Variants in SPIRE2 observed in about 807,000 individuals in gnomAD.
The protein encoded by SPIRE2 is protein spire homolog 2.
A neutral mutation model predicts 80.7 loss-of-function variants in SPIRE2; 76 were observed. The observed-to-expected ratio is 0.94, with a 90% CI of 0.78 to 1.14. The LOEUF (loss-of-function observed/expected upper bound fraction) is 1.14, where lower values mean the gene tolerates loss of function less well. Among genes scored for constraint, SPIRE2 ranks in the 50% most tolerant of loss-of-function variants. SPIRE2 has a pLI of 0.00. For missense variants in SPIRE2, 1,196 were observed against 1,015.3 expected, an observed-to-expected ratio of 1.18 and a Z score of -2.42; for synonymous variants, 535 against 432.6, an observed-to-expected ratio of 1.24 and a Z score of -2.94.
chr16:89,839,373 C>CAAA (rs537824236), intron 1 of SPIRE2, among the ~76,000 whole-genome samples: 9 of 123,506 alleles, frequency 7.3e-5, no homozygotes, highest in South Asian at 2.8e-4. Flanking sequence ...GACTCCATCT[C>CAAA]AAAAAAAAAA....
At chr16:89,864,819 AT>A (rs924016113) in intron 12 of SPIRE2, among the ~76,000 whole-genome samples, 3 of 152,324 alleles carry the variant, frequency 2.0e-5, no homozygotes, top group African/African-American at 7.2e-5. Flanking sequence ...AAGAATAAGA[AT>A]TTTTTAAACA....
chr16:89,861,121 G>T (rs1338139418), intron 10 of SPIRE2, among the ~76,000 whole-genome samples: 1 of 152,132 alleles, frequency 6.6e-6, no homozygotes, highest in Non-Finnish European at 1.5e-5. Context: ...TGTGAGGGGG[G>T]TTCACTGGGT....
At chr16:89,849,736 G>A (rs1037609736) in intron 2 of SPIRE2, 2 of 241,338 alleles carry the variant, frequency 8.3e-6, no homozygotes, top group African/African-American at 4.7e-5. Context: ...GCCCTTCGTG[G>A]TAGATTATGA....
chr16:89,842,229 T>TTTTTTTTTCTTTTTTTTC (rs1299656862), intron 1 of SPIRE2, among the ~76,000 whole-genome samples: 1 of 137,372 alleles, frequency 7.3e-6, no homozygotes, highest in African/African-American at 3.0e-5. Context: ...TTTTTTTTTT[T>TTTTTTTTTCTTTTTTTTC]TGTGACGGAG....
intron 1 of SPIRE2, among the ~76,000 whole-genome samples, chr16:89,838,804 C>A (rs763121159): frequency 5.3e-5 from 8 of 152,186 alleles, no homozygotes; most frequent in Admixed American, 3.3e-4. Flanking sequence ...TCTCCTCCTG[C>A]ACTCAGGGGC....
At position 89,828,514 on chromosome 16, in the gene SPIRE2, G is replaced by T; in HGVS notation, c.-37G>T. 9.8e-7 allele frequency: 1 copy of T among 1,023,964 alleles called. No individual in the cohort carries two copies. Among genetic ancestry groups the T allele is most frequent in the Non-Finnish European group, 1.2e-6 (1 of 856,922 alleles). 63.4% of individuals were successfully genotyped at this position (1,023,964 alleles called of 1,614,324 possible). A position where few individuals can be genotyped will look rare whatever the true frequency, so the allele number is the denominator to read the frequency against. On this transcript the variant is annotated 5_prime_UTR_variant, in exon 1 of 15. Transcript: ENST00000378247. This position sits in a 1 kb window ranked among gnomAD's most constrained non-coding sequence, Gnocchi z 5.9. The stretch of plus-strand genomic sequence containing the variant: ...CGGCGGAAGGCGCGGCTGCATGGAC[G>T]CGGGTCCGGCGCGCGGGAGGCGATG...
In SPIRE2 at chr16:89,843,675, TTTTTTGTTTGTTTTTGTTTTTTG is replaced by T. The variant is rs1218001659; in HGVS notation, c.245-1641_245-1619del. Among the ~76,000 whole-genome samples, 120 of 34,896 alleles carry T rather than the reference TTTTTTGTTTGTTTTTGTTTTTTG, an allele frequency of 3.4e-3. 4 individuals carry two copies. Among genetic ancestry groups the T allele is most frequent in the East Asian group, 0.022 (3 of 136 alleles). The allele number at this position is 34,896 out of a possible 152,430, so 22.9% of individuals were successfully genotyped here. ...TGCTGCCTTGCTGCCACGTTTTTTTTTTTTTGTTTGTTTTTGTTTTTTGTTTTTTTTTTTTTTTTTTTGAGACA... is the reference window on the plus strand; with the variant it reads ...TGCTGCCTTGCTGCCACGTTTTTTTTTTTTTTTTTTTTTTTTTTTGAGACA... On this transcript the variant is annotated intron_variant, in intron 1 of 14. Transcript: ENST00000378247.
chr16:89,860,177 C>T (rs1322756484), intron 9 of SPIRE2, among the ~76,000 whole-genome samples: 1 of 152,194 alleles, frequency 6.6e-6, no homozygotes, highest in African/African-American at 2.4e-5. Flanking sequence ...GGGGCTCAGA[C>T]ACGGGGGCCC....
chr16:89,861,654 T>G (rs905713395), intron 10 of SPIRE2, among the ~76,000 whole-genome samples: 1 of 152,202 alleles, frequency 6.6e-6, no homozygotes, highest in Non-Finnish European at 1.5e-5. Flanking sequence ...CTTAGCTGTG[T>G]GGCCATGGCT....
chr16:89,852,153 A>C lies in SPIRE2; in HGVS notation c.645+1493A>C, dbSNP rs1344705016. On this transcript the variant is annotated intron_variant, in intron 3 of 14. Coordinates refer to ENST00000378247, the MANE Select transcript of SPIRE2 (RefSeq NM_032451.2). ...ATCCTCCCCCCACCCCCCAGATCCC[A>C]TGGCCCATCTTCCATCCTCTCCCCA... is the stretch of plus-strand genomic sequence containing the variant. Among the ~76,000 whole-genome samples the C allele has an allele frequency of 4.5e-3, 29 of 6,488 alleles. 6 individuals carry two copies. In the East Asian group the frequency reaches 0.16, roughly 36 times the overall value. The allele number at this position is 6,488 out of a possible 152,430, so 4.3% of individuals were successfully genotyped here. A position where few individuals can be genotyped will look rare whatever the true frequency, so the allele number is the denominator to read the frequency against.
intron 1 of SPIRE2, chr16:89,836,486 T>G (rs372890693): frequency 9.3e-5 from 28 of 301,110 alleles, no homozygotes; most frequent in African/African-American, 6.1e-4. Flanking sequence ...TTAATGCATT[T>G]CAGGGAAGTT....
chr16:89,853,172 G>T (rs980335590), intron 3 of SPIRE2, among the ~76,000 whole-genome samples: 1 of 152,208 alleles, frequency 6.6e-6, no homozygotes, highest in Non-Finnish European at 1.5e-5. Flanking sequence ...CCCAGTGAAA[G>T]CTCTTTCATT....
intron 7 of SPIRE2, 22 bp from the exon 8 acceptor site, chr16:89,858,316 G>A (rs765313312): frequency 6.4e-7 from 1 of 1,560,660 alleles, no homozygotes; most frequent in Non-Finnish European, 8.7e-7. Context: ...GGCCCGTCCT[G>A]CCTCGGCTCC....
chr16:89,844,658 C>G (rs1598222135), intron 1 of SPIRE2, among the ~76,000 whole-genome samples: 1 of 152,062 alleles, frequency 6.6e-6, no homozygotes, highest in Admixed American at 6.5e-5. Context: ...CAGGATGGCC[C>G]CGATCTCCTG....
At chr16:89,849,350 C>A (rs1176905426) in intron 2 of SPIRE2, among the ~76,000 whole-genome samples, 1 of 152,238 alleles carries the variant, frequency 6.6e-6, no homozygotes, top group Non-Finnish European at 1.5e-5. Flanking sequence ...AGGGGACCGA[C>A]CTCTCCATGC....
intron 9 of SPIRE2, among the ~76,000 whole-genome samples, 197 bp downstream of exon 9, chr16:89,859,551 T>C (rs559998287): frequency 3.3e-5 from 5 of 152,292 alleles, no homozygotes; most frequent in African/African-American, 9.6e-5. Flanking sequence ...AAGTAATGCA[T>C]ATTTATTATA....
At chr16:89,840,447 C>T (rs1252853005) in intron 1 of SPIRE2, among the ~76,000 whole-genome samples, 1 of 150,522 alleles carries the variant, frequency 6.6e-6, no homozygotes, top group Non-Finnish European at 1.5e-5. Context: ...GACGGGGTTT[C>T]ACCGTGTTAG....
intron 1 of SPIRE2, among the ~76,000 whole-genome samples, chr16:89,840,982 A>G (rs1455513611): frequency 6.6e-6 from 1 of 152,072 alleles, no homozygotes; most frequent in Non-Finnish European, 1.5e-5. Context: ...GTTTCAAAGA[A>G]GACTCCCTAG....
At chr16:89,831,691 C>T (rs1286356628) in intron 1 of SPIRE2, among the ~76,000 whole-genome samples, 1 of 151,362 alleles carries the variant, frequency 6.6e-6, no homozygotes, top group Non-Finnish European at 1.5e-5. Flanking sequence ...GCCACCACGC[C>T]TGGCCTGGAT....
Sources: allele counts gnomAD v4.1 joint callset (sites outside exome capture counted in the v4.1 genomes callset), GRCh38; gene constraint gnomAD v4.1.1; non-coding constraint Gnocchi (gnomAD v3.1); transcripts MANE v1.5; gene names NCBI Gene and HGNC (gene_info 2026-07-23, HGNC 2026-07-21).